The following PLCE1 variants were observed in gnomAD, a reference collection of about 807,000 sequenced individuals.
PLCE1 encodes 1-phosphatidylinositol 4,5-bisphosphate phosphodiesterase epsilon-1.
Under a neutral mutation model 242.8 loss-of-function variants are expected in PLCE1, and 119 were observed. The observed-to-expected ratio is 0.49, with a 90% CI of 0.42 to 0.57. PLCE1 has a LOEUF of 0.57. Ranked by LOEUF, PLCE1 falls within the 20% of genes least tolerant of loss-of-function variation. The pLI is 0.00. For missense variants in PLCE1, 2,441 were observed against 2,788.8 expected (o/e 0.88, Z 2.81); for synonymous variants, 945 against 1,017.4 (o/e 0.93, Z 1.35).
chr10:94,045,416 A>C (rs538160692), intron 2 of PLCE1, among the ~76,000 whole-genome samples: 1 of 152,186 alleles, frequency 6.6e-6, no homozygotes, highest in South Asian at 2.1e-4. Flanking sequence ...GATTATAGGC[A>C]TGAGCCATGG....
rs1337836655 is a variant in PLCE1 at position 94,329,592 on chromosome 10, A to C, written c.*1649A>C. 1 of 152,128 alleles carries C rather than the reference A, an allele frequency of 6.6e-6. No homozygotes were observed. The highest frequency in any genetic ancestry group is 1.9e-4 in the East Asian group (1 of 5,158). The allele number at this position is 152,128 out of a possible 1,614,324, so 9.4% of individuals were successfully genotyped here. ...ACAGAGAATGAGGCCATCCTGGCCA[A>C]CATGGTGAAACCCAATCTCTACTAA... On this transcript the variant is annotated 3_prime_UTR_variant, in exon 33 of 33. Transcript: ENST00000371380.
At chr10:94,044,755 A>G (rs2061844503) in intron 2 of PLCE1, among the ~76,000 whole-genome samples, 1 of 152,220 alleles carries the variant, frequency 6.6e-6, no homozygotes, top group African/African-American at 2.4e-5. Context: ...CCACATGGTC[A>G]TGCTAGCTAG....
rs772160156 is a variant in PLCE1, at chr10:94,273,613, T to G, written c.4558T>G (p.Ser1520Ala). The change falls in exon 19 of 33, where the codon TCA becomes GCA. Residue 1520 changes from serine (S) to alanine (A), a missense_variant. By Grantham distance (99) the Ser-to-Ala change is moderately conservative (BLOSUM62 1). Around this residue, in one of 5 missense-constraint regions of PLCE1, gnomAD observed 1,004 missense variants for 1,322.7 expected, o/e 0.76. Coordinates refer to ENST00000371380, the MANE Select transcript of PLCE1 (RefSeq NM_016341.4). ...TAAATTCTTATTTGAGACTGATTTC[T>G]CAGATGATCCAATGCTTCCTTCACC... is the stretch of plus-strand genomic sequence containing the variant. Reference protein sequence around the residue: ...VTKFLFETDFSDDPMLPSPDQ... With the variant: ...VTKFLFETDFADDPMLPSPDQ... 11 of 1,613,854 alleles carry G rather than the reference T, an allele frequency of 6.8e-6. No homozygotes were observed. The Admixed American group carries it at 1.7e-4, about 24-fold the overall frequency.
chr10:94,061,756 A>C (rs2134971702), intron 2 of PLCE1, among the ~76,000 whole-genome samples: 1 of 152,352 alleles, frequency 6.6e-6, no homozygotes, highest in East Asian at 1.9e-4. Flanking sequence ...GTTCAGGCAA[A>C]TAAGGAAGTG....
At chr10:94,059,983 CA>C (rs2044004512) in intron 2 of PLCE1, among the ~76,000 whole-genome samples, 1 of 152,124 alleles carries the variant, frequency 6.6e-6, no homozygotes, top group African/African-American at 2.4e-5. Context: ...TCAATTATAT[CA>C]AATTATAGTG....
chr10:94,322,524 C>A (rs534055664), intron 30 of PLCE1, among the ~76,000 whole-genome samples: 1 of 152,206 alleles, frequency 6.6e-6, no homozygotes, highest in East Asian at 1.9e-4. Flanking sequence ...GGGGTTCACG[C>A]CTGTAATCCC....
At chr10:94,223,005 C>T (rs12775991) in intron 4 of PLCE1, among the ~76,000 whole-genome samples, 30,003 of 151,930 alleles carry the variant, frequency 0.2, 3,431 homozygotes, top group Middle Eastern at 0.31. Context: ...CACAGCTGGA[C>T]GACAGCCAGT....
chr10:94,249,431 A>G (rs2050798133), intron 8 of PLCE1, among the ~76,000 whole-genome samples: 1 of 152,094 alleles, frequency 6.6e-6, no homozygotes, highest in African/African-American at 2.4e-5. Flanking sequence ...AAGTTAAAAA[A>G]AAAAACTATT....
At chr10:94,039,896 T>A (rs563152009) in intron 2 of PLCE1, among the ~76,000 whole-genome samples, 1 of 152,366 alleles carries the variant, frequency 6.6e-6, no homozygotes, top group African/African-American at 2.4e-5. Flanking sequence ...GCTGTCTTTT[T>A]TATTTTTGAT....
intron 20 of PLCE1, chr10:94,283,136 A>G (rs34818536): frequency 0.16 from 25,087 of 152,238 alleles, 2,240 homozygotes; most frequent in Middle Eastern, 0.28. Context: ...CATTCCAAAT[A>G]GAAAAGCAAA....
intron 3 of PLCE1, among the ~76,000 whole-genome samples, chr10:94,154,892 A>G (rs2047381034): frequency 6.8e-6 from 1 of 146,718 alleles, no homozygotes; most frequent in African/African-American, 2.5e-5. Flanking sequence ...ATATATATAT[A>G]TACATATATA....
chr10:93,996,420 A>G (rs916670813), intron 1 of PLCE1, among the ~76,000 whole-genome samples: 2 of 152,180 alleles, frequency 1.3e-5, no homozygotes, highest in African/African-American at 4.8e-5. Flanking sequence ...GTGATTAGGA[A>G]ACATGGTGCT....
chr10:94,279,862 G>A lies in PLCE1; in HGVS notation c.4746G>A (p.Glu1582=). The change falls in exon 20 of 33, where the codon GAG becomes GAA. Residue 1582 remains glutamate, a synonymous_variant. Transcript: ENST00000371380. ...ANPRPANNEE[E]EDEEDEYDYD... ...CCCGACCTGCCAATAATGAGGAAGA[G>A]GAAGATGAGGAGGACGAATATGATT... The A allele has an allele frequency of 6.2e-7, 1 of 1,613,720 alleles. No homozygotes were observed. The highest frequency in any genetic ancestry group is 1.7e-5 in the Admixed American group (1 of 60,002).
intron 2 of PLCE1, among the ~76,000 whole-genome samples, chr10:94,121,978 G>T (rs961018812): frequency 5.3e-5 from 8 of 152,196 alleles, no homozygotes; most frequent in African/African-American, 1.9e-4. Flanking sequence ...GAAAAGATGA[G>T]CAGGAGTTCA....
intron 1 of PLCE1, among the ~76,000 whole-genome samples, chr10:94,028,557 G>T (rs760509379): frequency 1.3e-5 from 2 of 152,112 alleles, no homozygotes; most frequent in African/African-American, 4.8e-5. Context: ...GGGGAATTAG[G>T]CTCCACCTTG....
intron 3 of PLCE1, among the ~76,000 whole-genome samples, chr10:94,169,998 G>A (rs1012131644): frequency 6.6e-6 from 1 of 152,208 alleles, no homozygotes; most frequent in African/African-American, 2.4e-5. Flanking sequence ...AGGGAAGAAA[G>A]AAGTCAAATT....
At chr10:94,221,900 A>G (rs1264515400) in intron 4 of PLCE1, among the ~76,000 whole-genome samples, 1 of 152,148 alleles carries the variant, frequency 6.6e-6, no homozygotes, top group Non-Finnish European at 1.5e-5. Context: ...TTTTCAAGAA[A>G]CTTTTCGGCA....
chr10:94,262,328 T>C (rs1270408107), intron 13 of PLCE1, among the ~76,000 whole-genome samples, 166 bp from the exon 14 acceptor site: 1 of 152,188 alleles, frequency 6.6e-6, no homozygotes, highest in East Asian at 1.9e-4. Flanking sequence ...TTGTTTTTTA[T>C]TCCTATCACT....
chr10:94,022,397 A>G (rs1040059854), intron 1 of PLCE1, among the ~76,000 whole-genome samples: 1 of 152,042 alleles, frequency 6.6e-6, no homozygotes, highest in African/African-American at 2.4e-5. Context: ...AGATATGCAT[A>G]TATACATATG....
Sources: gnomAD v4.1 joint callset for allele counts (sites outside exome capture counted in the v4.1 genomes callset) on GRCh38, gnomAD v4.1.1 for gene constraint, gnomAD v4.1.1 regional missense constraint, MANE v1.5 for transcripts, NCBI Gene and HGNC (gene_info 2026-07-23, HGNC 2026-07-21) for gene names.